Variants in SGCZ observed in about 807,000 individuals in gnomAD.
The protein encoded by SGCZ is sarcoglycan zeta, also known as zeta-sarcoglycan.
Under a neutral mutation model 41.3 loss-of-function variants are expected in SGCZ, and 40 were observed. The observed-to-expected ratio is 0.97, with a 90% CI of 0.75 to 1.26. The LOEUF (loss-of-function observed/expected upper bound fraction) is 1.26. Among genes scored for constraint, SGCZ ranks in the 50% most tolerant of loss-of-function variants. The pLI is 0.00. For missense variants in SGCZ, 552 were observed against 369.8 expected (o/e 1.49, Z -4.04); for synonymous variants, 206 against 137.5 (o/e 1.50, Z -3.49).
At chr8:15,053,620 A>G (rs1381493386) in intron 1 of SGCZ, among the ~76,000 whole-genome samples, 1 of 152,156 alleles carries the variant, frequency 6.6e-6, no homozygotes, top group Non-Finnish European at 1.5e-5. Context: ...AATCATAAAA[A>G]AGAAAGTCGG....
chr8:14,886,632 G>A (rs1405507301), intron 1 of SGCZ, among the ~76,000 whole-genome samples: 2 of 152,154 alleles, frequency 1.3e-5, no homozygotes, highest in Non-Finnish European at 2.9e-5. Flanking sequence ...AGGTCACATT[G>A]ATTGAGGAGA....
chr8:14,556,230 G>A (rs1804031108), intron 1 of SGCZ, among the ~76,000 whole-genome samples: 1 of 151,480 alleles, frequency 6.6e-6, no homozygotes, highest in Non-Finnish European at 1.5e-5. Context: ...GACAATAATT[G>A]TTCATTATTA....
intron 1 of SGCZ, among the ~76,000 whole-genome samples, chr8:14,574,607 G>A (rs567910197): frequency 6.6e-6 from 1 of 152,228 alleles, no homozygotes; most frequent in East Asian, 1.9e-4. Context: ...TTTCTACATG[G>A]TTGTTCCTCC....
chr8:15,089,637 T>G (rs1944227595), intron 1 of SGCZ, among the ~76,000 whole-genome samples: 1 of 152,200 alleles, frequency 6.6e-6, no homozygotes, highest in Non-Finnish European at 1.5e-5. Context: ...ACTTTTTACC[T>G]GCTTGGCCTT....
At chr8:14,472,484 C>A (rs573567156) in intron 2 of SGCZ, among the ~76,000 whole-genome samples, 47 of 152,146 alleles carry the variant, frequency 3.1e-4, no homozygotes, top group African/African-American at 1.1e-3. Flanking sequence ...TTACTTTTAT[C>A]ACTTAGAATG....
rs895214594 is a variant in SGCZ, at chr8:14,265,275, A to G, written c.337-27596T>C. 2.0e-5 allele frequency among the ~76,000 whole-genome samples: 3 copies of G among 152,158 alleles called. 1 individual carries two copies. Among genetic ancestry groups the G allele is most frequent in the Admixed American group, 2.0e-4 (3 of 15,280 alleles). ...AGATAACTTTGCCGAGAAATACATC[A>G]GTTTTATTATTATTTTTATATCGCT... On this transcript the variant is annotated intron_variant, in intron 3 of 7. Coordinates refer to ENST00000382080, the MANE Select transcript of SGCZ (RefSeq NM_139167.4).
chr8:14,954,369 C>T (rs982778247), intron 1 of SGCZ, among the ~76,000 whole-genome samples: 1 of 152,128 alleles, frequency 6.6e-6, no homozygotes, highest in African/African-American at 2.4e-5. Flanking sequence ...GCCTTCACAT[C>T]CACCTTCAAT....
At chr8:14,219,422 G>A (rs1306867579) in intron 4 of SGCZ, among the ~76,000 whole-genome samples, 1 of 152,144 alleles carries the variant, frequency 6.6e-6, no homozygotes, top group African/African-American at 2.4e-5. Flanking sequence ...TCCAGACAAT[G>A]CCCGACTGCA....
chr8:15,040,209 A>T (rs569401467), intron 1 of SGCZ, among the ~76,000 whole-genome samples: 1 of 152,366 alleles, frequency 6.6e-6, no homozygotes, highest in East Asian at 1.9e-4. Flanking sequence ...ACAAAAGTTT[A>T]GCTTTTTATT....
intron 1 of SGCZ, among the ~76,000 whole-genome samples, chr8:15,195,381 T>G (rs1800689919): frequency 6.6e-6 from 1 of 152,334 alleles, no homozygotes; most frequent in East Asian, 1.9e-4. Context: ...TCCTTCCCAC[T>G]GCCAAATGCT....
intron 1 of SGCZ, among the ~76,000 whole-genome samples, chr8:15,058,208 A>T (rs1585519942): frequency 1.3e-5 from 2 of 152,136 alleles, no homozygotes; most frequent in South Asian, 4.1e-4. Context: ...GTCTTTTTTT[A>T]AAAGGGGTGG....
chr8:14,585,325 C>T (rs1040049388), intron 1 of SGCZ, among the ~76,000 whole-genome samples: 1 of 152,078 alleles, frequency 6.6e-6, no homozygotes, highest in African/African-American at 2.4e-5. Flanking sequence ...AGCTCTGTGA[C>T]ATTTTAGCAA....
intron 4 of SGCZ, among the ~76,000 whole-genome samples, chr8:14,189,937 C>A (rs1805036447): frequency 1.3e-5 from 2 of 151,358 alleles, no homozygotes. Context: ...TAATAAGCTT[C>A]TTCCATTTAG....
chr8:14,688,038 G>A (rs1228827260), intron 1 of SGCZ, among the ~76,000 whole-genome samples: 2 of 152,070 alleles, frequency 1.3e-5, no homozygotes, highest in African/African-American at 4.8e-5. Context: ...TTTTTGATGG[G>A]GTTGTTTGTT....
chr8:15,126,298 G>C (rs544831274), intron 1 of SGCZ, among the ~76,000 whole-genome samples: 6 of 152,116 alleles, frequency 3.9e-5, no homozygotes, highest in Non-Finnish European at 8.8e-5. Context: ...TATATCTACA[G>C]AGATATGATT....
At chr8:15,231,025 T>C (rs1044732565) in intron 1 of SGCZ, among the ~76,000 whole-genome samples, 1 of 152,208 alleles carries the variant, frequency 6.6e-6, no homozygotes, top group African/African-American at 2.4e-5. Context: ...CCTTTTCCAC[T>C]GCACAAATGA....
chr8:14,484,610 G>C (rs953736958), intron 2 of SGCZ, among the ~76,000 whole-genome samples: 1 of 151,958 alleles, frequency 6.6e-6, no homozygotes, highest in Non-Finnish European at 1.5e-5. Flanking sequence ...TTTATGTTCC[G>C]TTTTTGCTGT....
intron 2 of SGCZ, among the ~76,000 whole-genome samples, chr8:14,442,859 T>G (rs536596310): frequency 1.3e-5 from 2 of 152,186 alleles, no homozygotes; most frequent in African/African-American, 4.8e-5. Flanking sequence ...ATTGTCTGTC[T>G]AATCTTAATG....
chr8:14,362,488 G>C (rs1476757594), intron 2 of SGCZ, among the ~76,000 whole-genome samples: 4 of 152,002 alleles, frequency 2.6e-5, no homozygotes, highest in African/African-American at 9.7e-5. Flanking sequence ...CCATGGGCGT[G>C]GGACCCAAAA....
Sources: allele counts gnomAD v4.1 joint callset (sites outside exome capture counted in the v4.1 genomes callset), GRCh38; gene constraint gnomAD v4.1.1; transcripts MANE v1.5; gene names NCBI Gene and HGNC (gene_info 2026-07-23, HGNC 2026-07-21).